TRAPPC10: variants seen among roughly 807,000 people sequenced by gnomAD.
The protein encoded by TRAPPC10 is trafficking protein particle complex subunit 10.
Under a neutral mutation model 125.5 loss-of-function variants are expected in TRAPPC10, and 23 were observed. The observed-to-expected ratio is 0.18, with a 90% CI of 0.13 to 0.26. TRAPPC10 has a LOEUF of 0.26. TRAPPC10 is among the 10% of genes least tolerant of loss of function. The pLI is 1.00. For missense variants in TRAPPC10, 1,123 were observed against 1,308.4 expected (o/e 0.86, Z 2.19); for synonymous variants, 509 against 518.0 (o/e 0.98, Z 0.24).
intron 1 of TRAPPC10, among the ~76,000 whole-genome samples, chr21:44,018,105 AAGTT>A (rs2032076720): frequency 6.6e-6 from 1 of 151,994 alleles, no homozygotes; most frequent in South Asian, 2.1e-4. Context: ...AGTTTCTAGT[AAGTT>A]CTTTATGCAA....
At chr21:44,074,127 C>T (rs927001577) in intron 7 of TRAPPC10, among the ~76,000 whole-genome samples, 197 bp from the exon 8 acceptor site, 2 of 152,194 alleles carry the variant, frequency 1.3e-5, no homozygotes, top group African/African-American at 4.8e-5. Flanking sequence ...CTGCTTCTCT[C>T]TTCCCATGTG....
intron 2 of TRAPPC10, among the ~76,000 whole-genome samples, chr21:44,036,975 A>T (rs545217213): frequency 1.3e-5 from 2 of 152,358 alleles, no homozygotes; most frequent in African/African-American, 4.8e-5. Context: ...CCCAAAGGAC[A>T]GGGGAAAACT....
At chr21:44,066,511 T>C (rs548350207) in intron 7 of TRAPPC10, among the ~76,000 whole-genome samples, 10 of 152,348 alleles carry the variant, frequency 6.6e-5, no homozygotes, top group Admixed American at 5.9e-4. Flanking sequence ...TGACAGAGTA[T>C]TTCCTTTTTT....
chr21:44,089,945 G>T lies in TRAPPC10; in HGVS notation c.2870+12G>T. 6.3e-7 allele frequency: 1 copy of T among 1,598,228 alleles called. No individual in the cohort carries two copies. The highest frequency in any genetic ancestry group is 8.6e-7 in the Non-Finnish European group (1 of 1,166,846). ...TCCTCAGGAACACGGTAACGGAGGC[G>T]TAGCGTGCGGGCCCTGGCTTCTTTC... On this transcript the variant is annotated intron_variant, in intron 18 of 22. Coordinates refer to ENST00000291574, the MANE Select transcript of TRAPPC10 (RefSeq NM_003274.5).
chr21:44,070,681 G>A (rs776214164), intron 7 of TRAPPC10, among the ~76,000 whole-genome samples: 6 of 152,266 alleles, frequency 3.9e-5, no homozygotes, highest in Admixed American at 6.5e-5. Flanking sequence ...CATGGCTGCA[G>A]AACAATTGCT....
intron 1 of TRAPPC10, among the ~76,000 whole-genome samples, chr21:44,030,248 T>A (rs557930999): frequency 2.2e-4 from 33 of 150,466 alleles, no homozygotes; most frequent in Middle Eastern, 3.4e-3. Context: ...AGCGAGAGAG[T>A]GTGTGTGTGT....
rs768139408 is a variant in TRAPPC10, at chr21:44,076,640, C to A, written c.1377+12C>A. ...AAAAACACTACTTAGTAAGTATTAA[C>A]AAGTGTTCAATGTCTGTTCTGTGAA... On this transcript the variant is annotated intron_variant, in intron 10 of 22. Coordinates refer to ENST00000291574, the MANE Select transcript of TRAPPC10 (RefSeq NM_003274.5). 9 of 1,590,702 alleles carry A rather than the reference C, an allele frequency of 5.7e-6. No homozygotes were observed. Among genetic ancestry groups the A allele is most frequent in the Non-Finnish European group, 7.8e-6 (9 of 1,158,790 alleles).
At chr21:44,086,761 C>A (rs776582727) in intron 15 of TRAPPC10, 41 bp from the exon 16 acceptor site, 18 of 1,605,522 alleles carry the variant, frequency 1.1e-5, no homozygotes, top group Non-Finnish European at 1.5e-5. Context: ...TGCTGTCTTC[C>A]GGTTGGCAGC....
chr21:44,027,970 G>A (rs568436628), intron 1 of TRAPPC10, among the ~76,000 whole-genome samples: 3 of 152,214 alleles, frequency 2.0e-5, no homozygotes, highest in South Asian at 2.1e-4. Context: ...AATTTCTGCT[G>A]TTTATAAGCC....
At chr21:44,095,354 T>A (rs1361497222) in intron 20 of TRAPPC10, among the ~76,000 whole-genome samples, 1 of 150,254 alleles carries the variant, frequency 6.7e-6, no homozygotes, top group African/African-American at 2.5e-5. Flanking sequence ...CAAGCGATTC[T>A]CCTGCCTCAG....
Position 44,037,772 on chromosome 21 carries a change from C to T in TRAPPC10, c.150-20C>T. ...TGCTGTTTAGTTGTTTTCTCAGTGA[C>T]TTCAAACAATTGTTTACAGGTCCTA... On this transcript the variant is annotated intron_variant, in intron 2 of 22. Coordinates refer to ENST00000291574, the MANE Select transcript of TRAPPC10 (RefSeq NM_003274.5). The T allele has an allele frequency of 6.2e-7, 1 of 1,605,718 alleles. No homozygotes were observed. The highest frequency in any genetic ancestry group is 1.3e-5 in the African/African-American group (1 of 74,598).
chr21:44,063,163 C>T lies in TRAPPC10; in HGVS notation c.791-375C>T. ...TGGTCAGAGCAGGCTGCACTCCAGC[C>T]CACAGGTAAAGATAAGGAAGCCCAG... On this transcript the variant is annotated intron_variant, in intron 6 of 22. Coordinates refer to ENST00000291574, the MANE Select transcript of TRAPPC10 (RefSeq NM_003274.5). The surrounding 1 kb of genome is among the most constrained non-coding windows in gnomAD (Gnocchi z 4.4). 1.5e-6 allele frequency: 2 copies of T among 1,301,862 alleles called. No individual in the cohort carries two copies. Among genetic ancestry groups the T allele is most frequent in the Non-Finnish European group, 2.0e-6 (2 of 992,022 alleles). The allele number at this position is 1,301,862 out of a possible 1,614,324, so 80.6% of individuals were successfully genotyped here.
chr21:44,075,080 A>G lies in TRAPPC10; in HGVS notation c.1227A>G (p.Lys409=). ...ATCTATGTGGACTTGTGTCAGAGAA[A>G]GGACCTAACTCAGAAGATCTCAACA... is the stretch of plus-strand genomic sequence containing the variant. ...LGYLCGLVSE[K]GPNSEDLNRT... Residue 409 remains lysine (K), a synonymous_variant, in exon 9 of 23, where the codon AAA becomes AAG. Coordinates refer to ENST00000291574, the MANE Select transcript of TRAPPC10 (RefSeq NM_003274.5). The G allele has an allele frequency of 1.9e-6, 3 of 1,614,224 alleles. No homozygotes were observed. The highest frequency in any genetic ancestry group is 2.5e-6 in the Non-Finnish European group (3 of 1,180,030).
At position 44,052,338 on chromosome 21, in the gene TRAPPC10, T is replaced by C. The variant is rs1327616203; in HGVS notation, c.344T>C (p.Leu115Pro). 1 of 1,611,178 alleles carries C rather than the reference T, an allele frequency of 6.2e-7. No individual in the cohort carries two copies. Among genetic ancestry groups the C allele is most frequent in the African/African-American group, 1.3e-5 (1 of 74,716 alleles). ...KDDLTKWQNV[L>P]KAHSSVDWLI... ...GACCTCACCAAGTGGCAGAATGTTC[T>C]GAAGGCTCATAGCTCTGTGGACTGG... Residue 115 changes from leucine (L) to proline (P), a missense_variant, in exon 4 of 23, where the codon CTG (leucine) becomes CCG (proline). Coordinates refer to ENST00000291574, the MANE Select transcript of TRAPPC10 (RefSeq NM_003274.5).
chr21:44,049,606 AG>A (rs1336282828), intron 3 of TRAPPC10, among the ~76,000 whole-genome samples: 3 of 152,170 alleles, frequency 2.0e-5, no homozygotes, highest in Non-Finnish European at 4.4e-5. Flanking sequence ...CCTCTGTGCC[AG>A]CCCCAAAATC....
In TRAPPC10 at chr21:44,076,535, G is replaced by T; in HGVS notation, c.1301-17G>T. ...ATGATGAAGATGAAGAGGGACTCTC[G>T]TTTCTTTCTGTTTAAGCCAACACAG... On this transcript the variant is annotated splice_polypyrimidine_tract_variant and intron_variant, in intron 9 of 22. Coordinates refer to ENST00000291574, the MANE Select transcript of TRAPPC10 (RefSeq NM_003274.5). 6.2e-7 allele frequency: 1 copy of T among 1,608,188 alleles called. No individual in the cohort carries two copies. Among genetic ancestry groups the T allele is most frequent in the African/African-American group, 1.3e-5 (1 of 74,946 alleles).
Position 44,076,405 on chromosome 21 carries a change from T to A in TRAPPC10, c.1301-147T>A, listed in dbSNP as rs2037285131. 1.1e-5 allele frequency: 7 copies of A among 611,226 alleles called. No individual in the cohort carries two copies. The South Asian group carries it at 1.4e-4, about 12-fold the overall frequency. 37.9% of individuals were successfully genotyped at this position (611,226 alleles called of 1,614,324 possible). ...GTGAATTGAAAGAGAATGTACATAA[T>A]CATGTAGTTTCCGTTGGCATTGGCC... On this transcript the variant is annotated intron_variant, in intron 9 of 22. Coordinates refer to ENST00000291574, the MANE Select transcript of TRAPPC10 (RefSeq NM_003274.5).
At chr21:44,090,919 G>T (rs1033629873) in intron 18 of TRAPPC10, among the ~76,000 whole-genome samples, 1 of 152,124 alleles carries the variant, frequency 6.6e-6, no homozygotes, top group African/African-American at 2.4e-5. Flanking sequence ...TCAGCCGGGC[G>T]TGGTGGCTCA....
intron 20 of TRAPPC10, 121 bp downstream of exon 20, chr21:44,094,354 A>G: frequency 1.0e-6 from 1 of 982,026 alleles, no homozygotes; most frequent in Non-Finnish European, 1.5e-6. Context: ...GCAGCTGGAG[A>G]AAAACAGTTG....
Sources: allele counts gnomAD v4.1 joint callset (sites outside exome capture counted in the v4.1 genomes callset), GRCh38; gene constraint gnomAD v4.1.1; non-coding constraint Gnocchi (gnomAD v3.1); transcripts MANE v1.5; gene names NCBI Gene and HGNC (gene_info 2026-07-23, HGNC 2026-07-21).